The following TOP1MT variants were observed in gnomAD, a reference collection of about 807,000 sequenced individuals.
TOP1MT encodes DNA topoisomerase I mitochondrial, also known as DNA topoisomerase I, mitochondrial.
TOP1MT carries 80 observed loss-of-function variants against 73.9 expected under a neutral mutation model. The ratio of observed to expected loss-of-function variants is 1.08; its 90% CI spans 0.90 to 1.30. The LOEUF is 1.30. TOP1MT is among the 50% of genes most tolerant of loss of function. The pLI is 0.00. For synonymous variants in TOP1MT, 338 were observed against 326.4 expected (o/e 1.04, Z -0.38); for missense variants, 815 against 808.0 (o/e 1.01, Z -0.10).
Position 143,334,880 on chromosome 8 carries a change from G to T in TOP1MT, c.-19C>A. On this transcript the variant is annotated 5_prime_UTR_variant, in exon 1 of 14. Coordinates refer to ENST00000329245, the MANE Select transcript of TOP1MT (RefSeq NM_052963.3). ...CGCGCATCTGCCAGCCTCCGGGAAA[G>T]AGCGACAAGCTGGGCCCCGCCCCAG... 1 of 1,432,560 alleles carries T rather than the reference G, an allele frequency of 7.0e-7. No individual in the cohort carries two copies. 88.7% of individuals were successfully genotyped at this position (1,432,560 alleles called of 1,614,324 possible). A position where few individuals can be genotyped will look rare whatever the true frequency, so the allele number is the denominator to read the frequency against.
rs369993440 is a variant in TOP1MT at position 143,310,034 on chromosome 8, C to A, written c.1703+34G>T. The A allele has an allele frequency of 1.2e-5, 19 of 1,605,906 alleles. No individual in the cohort carries two copies. In the African/African-American group the frequency reaches 2.3e-4, roughly 19 times the overall value. ...TGGAAAACCCAGGCCCCCCATAGGC[C>A]ACAGGTGGGAACTGAGACCCCAGGC... On this transcript the variant is annotated intron_variant, in intron 13 of 13. Transcript: ENST00000329245.
chr8:143,309,725 G>C (rs1323665837), intron 13 of TOP1MT, 182 bp from the exon 14 acceptor site: 2 of 1,527,974 alleles, frequency 1.3e-6, no homozygotes, highest in African/African-American at 2.7e-5. Context: ...TGGAGCATCA[G>C]CGAGGTGTCA....
chr8:143,359,552 AG>A, upstream of TOP1MT: 3 of 373,906 alleles, frequency 8.0e-6, no homozygotes, highest in Non-Finnish European at 1.1e-5. Context: ...TGGGGCAGCC[AG>A]GGGAGAGGAC....
Position 143,325,255 on chromosome 8 carries a change from T to C in TOP1MT, c.671+91A>G, listed in dbSNP as rs145918190. 931 of 1,167,418 alleles carry C rather than the reference T, an allele frequency of 8.0e-4. 1 individual carries two copies. The highest frequency in any genetic ancestry group is 2.0e-3 in the Admixed American group (79 of 39,222). The allele number at this position is 1,167,418 out of a possible 1,614,324, so 72.3% of individuals were successfully genotyped here. On this transcript the variant is annotated intron_variant, in intron 5 of 13. Coordinates refer to ENST00000329245, the MANE Select transcript of TOP1MT (RefSeq NM_052963.3). ...GGGTCACCAACCACATGTTTCTCGG[T>C]GTGCCTCCCTCTCCCAGGAGGTGAA...
chr8:143,315,953 G>T lies in TOP1MT; in HGVS notation c.1458+46C>A, dbSNP rs2293928. On this transcript the variant is annotated intron_variant, in intron 11 of 13. Coordinates refer to ENST00000329245, the MANE Select transcript of TOP1MT (RefSeq NM_052963.3). Reference sequence around the variant, plus strand: ...TGTGCCGAGGCTCTGGGGAGGGGGAGGGGTCCCTTGAGGGCTGGGCTGGGG... The same window carrying T: ...TGTGCCGAGGCTCTGGGGAGGGGGATGGGTCCCTTGAGGGCTGGGCTGGGG... 7.4e-6 allele frequency: 12 copies of T among 1,612,582 alleles called. No homozygotes were observed. In the Admixed American group the frequency reaches 1.0e-4, roughly 13 times the overall value.
At chr8:143,323,878 C>T in intron 7 of TOP1MT, 121 bp downstream of exon 7, 4 of 1,092,534 alleles carry the variant, frequency 3.7e-6, no homozygotes, top group East Asian at 2.4e-5. Context: ...CACACCCCCC[C>T]CATCAGAATG....
At chr8:143,319,751 C>G (rs1342509747) in intron 8 of TOP1MT, among the ~76,000 whole-genome samples, 5 of 152,082 alleles carry the variant, frequency 3.3e-5, no homozygotes, top group African/African-American at 1.2e-4. Flanking sequence ...AGGGCAGCCC[C>G]TCCCAGGTGT....
intron 1 of TOP1MT, among the ~76,000 whole-genome samples, chr8:143,354,888 A>C (rs1236208984): frequency 1.3e-5 from 2 of 152,208 alleles, no homozygotes; most frequent in Non-Finnish European, 2.9e-5. Context: ...AAAAGTGAAA[A>C]AGACAAAAAC....
chr8:143,332,345 G>A, intron 1 of TOP1MT: 1 of 542,594 alleles, frequency 1.8e-6, no homozygotes, highest in Non-Finnish European at 3.1e-6. Flanking sequence ...CAGCACCCAG[G>A]ATGGCCAGTG....
chr8:143,342,191 C>T lies in TOP1MT; in HGVS notation c.29+1029G>A, dbSNP rs1273280983. 1.9e-4 allele frequency among the ~76,000 whole-genome samples: 10 copies of T among 53,540 alleles called. 1 individual carries two copies. The highest frequency in any genetic ancestry group is 1.4e-3 in the East Asian group (3 of 2,122). The allele number at this position is 53,540 out of a possible 152,430, so 35.1% of individuals were successfully genotyped here. The stretch of plus-strand genomic sequence containing the variant: ...GCTCTGTTATTATTAGAGACAGTCT[C>T]GCTGTTATTATTATTATTAGAGACA... On this transcript the variant is annotated intron_variant, in intron 2 of 5. Coordinates refer to the TOP1MT transcript ENST00000518007.
chr8:143,355,546 T>C (rs968505336), intron 1 of TOP1MT: 1 of 151,886 alleles, frequency 6.6e-6, no homozygotes, highest in Non-Finnish European at 1.5e-5. Context: ...GCCTTTCAAC[T>C]TTTTTTTGGT....
Position 143,325,396 on chromosome 8 carries a change from C to A in TOP1MT, c.621G>T (p.Gly207=). 1 of 1,611,150 alleles carries A rather than the reference C, an allele frequency of 6.2e-7. No individual in the cohort carries two copies. Among genetic ancestry groups the A allele is most frequent in the Non-Finnish European group, 8.5e-7 (1 of 1,177,630 alleles). ...CTGGCGTGATCCTTCTCTTCAGCAT[C>A]CCCATCTTGGGATGGTCGCCACGGC... ...FRGRGDHPKM[G]MLKRRITPED... is the part of the protein sequence containing the mutation. The change falls in exon 5 of 14, where the codon GGG becomes GGT. Residue 207 remains glycine, a synonymous_variant. Coordinates refer to ENST00000329245, the MANE Select transcript of TOP1MT (RefSeq NM_052963.3).
At chr8:143,323,241 A>C (rs1310071471) in intron 7 of TOP1MT, among the ~76,000 whole-genome samples, 8 of 89,238 alleles carry the variant, frequency 9.0e-5, no homozygotes, top group East Asian at 4.0e-4. Flanking sequence ...CAGGCACGCC[A>C]CACACACAGG....
At position 143,329,498 on chromosome 8, in the gene TOP1MT, T is replaced by A. The variant is rs778593595; in HGVS notation, c.239-27A>T. On this transcript the variant is annotated intron_variant, in intron 2 of 13. Transcript: ENST00000329245. ...TGCAGGCATCGGAAGACACATCGTATGAGAGAGCGGCCAGAGGCTCGGCCT... is the reference window on the plus strand; with the variant it reads ...TGCAGGCATCGGAAGACACATCGTAAGAGAGAGCGGCCAGAGGCTCGGCCT... 1.9e-6 allele frequency: 3 copies of A among 1,594,784 alleles called. No individual in the cohort carries two copies. The Admixed American group carries it at 5.6e-5, about 30-fold the overall frequency.
chr8:143,334,467 T>C (rs995309379), intron 1 of TOP1MT, among the ~76,000 whole-genome samples: 2 of 151,768 alleles, frequency 1.3e-5, no homozygotes, highest in Non-Finnish European at 2.9e-5. Context: ...ACACAAATGA[T>C]GAAACCACAA....
intron 12 of TOP1MT, among the ~76,000 whole-genome samples, chr8:143,311,747 CAAA>C (rs34398519): frequency 1.2e-3 from 164 of 134,528 alleles, no homozygotes; most frequent in Admixed American, 1.5e-3. Flanking sequence ...GACTCTGTGT[CAAA>C]AAAAAAAAAA....
chr8:143,317,574 C>T, intron 10 of TOP1MT, 149 bp downstream of exon 10: 1 of 690,566 alleles, frequency 1.4e-6, no homozygotes, highest in South Asian at 1.9e-5. Context: ...GCCACCTAGG[C>T]TGCCAAGCAG....
chr8:143,316,174 C>A (rs1816157348), intron 10 of TOP1MT, 48 bp from the exon 11 acceptor site: 2 of 1,612,720 alleles, frequency 1.2e-6, no homozygotes, highest in Non-Finnish European at 8.5e-7. Context: ...GCCGGCCACC[C>A]TCCCTGTCTG....
At chr8:143,350,625 C>T (rs1369444079) in intron 1 of TOP1MT, among the ~76,000 whole-genome samples, 1 of 152,260 alleles carries the variant, frequency 6.6e-6, no homozygotes, top group East Asian at 1.9e-4. Context: ...AGCCACAGCA[C>T]CCAGCCCACT....
Sources: allele counts gnomAD v4.1 joint callset (sites outside exome capture counted in the v4.1 genomes callset), GRCh38; gene constraint gnomAD v4.1.1; transcripts MANE v1.5; gene names NCBI Gene and HGNC (gene_info 2026-07-23, HGNC 2026-07-21).